The following CNTN4 variants were observed in gnomAD, a reference collection of about 807,000 sequenced individuals.
CNTN4 encodes contactin 4.
Under a neutral mutation model 122.5 loss-of-function variants are expected in CNTN4, and 77 were observed. The ratio of observed to expected loss-of-function variants is 0.63; its 90% CI spans 0.52 to 0.76. The LOEUF (loss-of-function observed/expected upper bound fraction) is 0.76. Among genes scored for constraint, CNTN4 ranks in the 30% least tolerant of loss-of-function variants. The probability of loss-of-function intolerance (pLI) is 0.00; values close to 1 mark genes in which losing one functional copy is unlikely to be tolerated. For synonymous variants in CNTN4, 512 were observed against 447.0 expected (o/e 1.15, Z -1.83); for missense variants, 1,256 against 1,259.1 (o/e 1.00, Z 0.04).
intron 3 of CNTN4, among the ~76,000 whole-genome samples, chr3:2,394,528 T>C (rs74549589): frequency 0.022 from 3,287 of 152,252 alleles, 134 homozygotes; most frequent in African/African-American, 0.075. Context: ...GGAATGCCAA[T>C]ATATATCCAC....
intron 3 of CNTN4, among the ~76,000 whole-genome samples, chr3:2,497,152 T>C (rs1018456068): frequency 1.3e-5 from 2 of 152,210 alleles, no homozygotes; most frequent in Non-Finnish European, 2.9e-5. Flanking sequence ...TCAGTTGACA[T>C]ATTAATTTAA....
chr3:2,515,213 A>G (rs1236320407), intron 3 of CNTN4, among the ~76,000 whole-genome samples: 1 of 152,202 alleles, frequency 6.6e-6, no homozygotes, highest in Non-Finnish European at 1.5e-5. Flanking sequence ...GCAGGGACCC[A>G]GAAAGTTATG....
chr3:2,820,821 T>C (rs984933898), intron 7 of CNTN4, among the ~76,000 whole-genome samples: 11 of 151,914 alleles, frequency 7.2e-5, no homozygotes, highest in Admixed American at 1.3e-4. Context: ...CAAAAGTTCC[T>C]TGACCATAGA....
intron 2 of CNTN4, among the ~76,000 whole-genome samples, chr3:2,108,587 G>A (rs964286524): frequency 6.6e-6 from 1 of 152,110 alleles, no homozygotes; most frequent in Non-Finnish European, 1.5e-5. Flanking sequence ...AAATTTGGAG[G>A]CAAAATTCTT....
At chr3:2,522,394 T>C (rs2077253991) in intron 3 of CNTN4, among the ~76,000 whole-genome samples, 1 of 152,106 alleles carries the variant, frequency 6.6e-6, no homozygotes, top group Non-Finnish European at 1.5e-5. Flanking sequence ...TAAATATCAA[T>C]TGATTTACAA....
chr3:2,811,960 C>G (rs113068414), intron 6 of CNTN4, among the ~76,000 whole-genome samples: 8,034 of 152,198 alleles, frequency 0.053, 705 homozygotes, highest in African/African-American at 0.18. Flanking sequence ...GCCACTGTGC[C>G]CAGCCAAAAA....
chr3:2,401,861 A>G (rs542470165), intron 3 of CNTN4, among the ~76,000 whole-genome samples: 28 of 152,176 alleles, frequency 1.8e-4, no homozygotes, highest in Non-Finnish European at 3.7e-4. Context: ...AAAGCTCAAG[A>G]GATTTGATAT....
chr3:2,969,433 C>T (rs1288721432), intron 13 of CNTN4, among the ~76,000 whole-genome samples: 1 of 151,988 alleles, frequency 6.6e-6, no homozygotes, highest in Non-Finnish European at 1.5e-5. Flanking sequence ...CATGAACACC[C>T]CAGCAGCCAG....
intron 4 of CNTN4, among the ~76,000 whole-genome samples, chr3:2,627,591 T>G (rs2082246873): frequency 6.6e-6 from 1 of 151,412 alleles, no homozygotes; most frequent in South Asian, 2.1e-4. Flanking sequence ...CCTCCTGGGT[T>G]CAGGCCATTC....
intron 6 of CNTN4, among the ~76,000 whole-genome samples, chr3:2,812,074 G>A (rs941732241): frequency 1.3e-5 from 2 of 152,172 alleles, no homozygotes; most frequent in Non-Finnish European, 2.9e-5. Flanking sequence ...GAGCTAAGAT[G>A]AGAACACGTG....
chr3:2,938,624 C>A (rs367622420), intron 13 of CNTN4, among the ~76,000 whole-genome samples: 1 of 152,146 alleles, frequency 6.6e-6, no homozygotes, highest in Non-Finnish European at 1.5e-5. Flanking sequence ...GCTTTCGTTA[C>A]CTCCCTGGCA....
At chr3:2,192,564 T>C (rs1328046821) in intron 2 of CNTN4, among the ~76,000 whole-genome samples, 1 of 152,074 alleles carries the variant, frequency 6.6e-6, no homozygotes, top group Non-Finnish European at 1.5e-5. Flanking sequence ...ATTCAGAATC[T>C]ACAAAGAACT....
intron 13 of CNTN4, among the ~76,000 whole-genome samples, chr3:2,938,158 A>G (rs913459548): frequency 2.0e-5 from 3 of 152,204 alleles, no homozygotes; most frequent in African/African-American, 7.2e-5. Flanking sequence ...TCGTTATATC[A>G]CTAATGTATT....
At chr3:2,290,769 TG>T (rs2042104455) in intron 2 of CNTN4, among the ~76,000 whole-genome samples, 1 of 152,170 alleles carries the variant, frequency 6.6e-6, no homozygotes, top group Non-Finnish European at 1.5e-5. Flanking sequence ...CTGGGGTCTT[TG>T]GATGCTAACT....
At chr3:2,493,166 T>G (rs2076364108) in intron 3 of CNTN4, among the ~76,000 whole-genome samples, 1 of 152,132 alleles carries the variant, frequency 6.6e-6, no homozygotes, top group South Asian at 2.1e-4. Flanking sequence ...TGTGTCATAC[T>G]TTTTCTGGGT....
In CNTN4 at chr3:2,584,676, G is replaced by A. The variant is rs183132880; in HGVS notation, c.55+13118G>A. 3.3e-5 allele frequency among the ~76,000 whole-genome samples: 3 copies of A among 90,456 alleles called. No individual in the cohort carries two copies. In the Admixed American group the frequency reaches 5.6e-4, roughly 17 times the overall value. The allele number at this position is 90,456 out of a possible 152,430, so 59.3% of individuals were successfully genotyped here. On this transcript the variant is annotated intron_variant, in intron 4 of 24. Transcript: ENST00000418658. ...CGTGCCACTGTACTCCAGCCTGGAT[G>A]ACAAAAGCAAAACTCCGTCTCAAAA...
chr3:2,966,268 A>G (rs986776350), intron 13 of CNTN4, among the ~76,000 whole-genome samples: 1 of 152,172 alleles, frequency 6.6e-6, no homozygotes, highest in South Asian at 2.1e-4. Context: ...TAGCTAGTAT[A>G]AATCTCAGTT....
chr3:2,989,988 G>C (rs1694916661), intron 14 of CNTN4, among the ~76,000 whole-genome samples: 1 of 152,182 alleles, frequency 6.6e-6, no homozygotes, highest in African/African-American at 2.4e-5. Flanking sequence ...ATTCAAGTCA[G>C]AGTGATCTGG....
At chr3:2,870,042 A>T (rs575330221) in intron 8 of CNTN4, among the ~76,000 whole-genome samples, 4 of 152,216 alleles carry the variant, frequency 2.6e-5, no homozygotes, top group Non-Finnish European at 5.9e-5. Context: ...CTATCAAGTC[A>T]TGGATGTAAT....
Sources: gnomAD v4.1 joint callset for allele counts (sites outside exome capture counted in the v4.1 genomes callset) on GRCh38, gnomAD v4.1.1 for gene constraint, MANE v1.5 for transcripts, NCBI Gene and HGNC (gene_info 2026-07-23, HGNC 2026-07-21) for gene names.